Variants in FSTL5 observed in about 807,000 individuals in gnomAD.
FSTL5 encodes follistatin like 5.
FSTL5 carries 62 observed loss-of-function variants against 89.1 expected under a neutral mutation model. The ratio of observed to expected loss-of-function variants is 0.70; its 90% CI spans 0.57 to 0.86. The LOEUF is 0.86. FSTL5 is among the 40% of genes least tolerant of loss of function. FSTL5 has a pLI of 0.00. For synonymous variants in FSTL5, 383 were observed against 346.2 expected (o/e 1.11, Z -1.18); for missense variants, 1,057 against 1,001.6 (o/e 1.06, Z -0.75).
chr4:161,978,399 T>C (rs1735724581), intron 3 of FSTL5, among the ~76,000 whole-genome samples: 1 of 152,162 alleles, frequency 6.6e-6, no homozygotes, highest in Admixed American at 6.5e-5. Context: ...CATAACTTTT[T>C]TTTGTTGTTT....
At chr4:161,507,612 T>C (rs1730524574) in intron 11 of FSTL5, among the ~76,000 whole-genome samples, 1 of 151,784 alleles carries the variant, frequency 6.6e-6, no homozygotes, top group African/African-American at 2.4e-5. Flanking sequence ...TCTATTAGTA[T>C]TGTCATTTTA....
At chr4:161,653,023 CATCTTATGCAA>C (rs1736394657) in intron 7 of FSTL5, among the ~76,000 whole-genome samples, 1 of 152,088 alleles carries the variant, frequency 6.6e-6, no homozygotes, top group Non-Finnish European at 1.5e-5. Flanking sequence ...ATGAAAAGCT[CATCTTATGCAA>C]ATGGAATTAT....
chr4:161,565,153 G>T lies in FSTL5; in HGVS notation c.1015+22302C>A, dbSNP rs953465885. Among the ~76,000 whole-genome samples the T allele has an allele frequency of 5.9e-5, 9 of 151,690 alleles. No individual in the cohort carries two copies. The South Asian group carries it at 1.2e-3, about 21-fold the overall frequency. ...ATTCATAAGTGCCTCTCAGACCTCC[G>T]TATTAACAGAAAACTAATCAAAGCC... On this transcript the variant is annotated intron_variant, in intron 8 of 15. Transcript: ENST00000306100.
At chr4:161,926,706 T>A (rs750103630) in intron 3 of FSTL5, among the ~76,000 whole-genome samples, 1 of 151,878 alleles carries the variant, frequency 6.6e-6, no homozygotes, top group Non-Finnish European at 1.5e-5. Flanking sequence ...TTAAACTTGA[T>A]AACAAATTCC....
intron 4 of FSTL5, among the ~76,000 whole-genome samples, chr4:161,857,597 GAGT>G (rs1397248681): frequency 6.6e-6 from 1 of 151,932 alleles, no homozygotes; most frequent in East Asian, 1.9e-4. Flanking sequence ...AAGCCTACAT[GAGT>G]AGATTTTAAC....
At chr4:161,875,744 C>T (rs1267575929) in intron 4 of FSTL5, among the ~76,000 whole-genome samples, 1 of 152,192 alleles carries the variant, frequency 6.6e-6, no homozygotes, top group Non-Finnish European at 1.5e-5. Context: ...TTCCTTTTTA[C>T]ATGACCTTTT....
chr4:161,475,584 A>C (rs1382928852), intron 13 of FSTL5, among the ~76,000 whole-genome samples: 1 of 151,950 alleles, frequency 6.6e-6, no homozygotes, highest in African/African-American at 2.4e-5. Context: ...CATCCTTCAA[A>C]TTTTTAAATA....
intron 1 of FSTL5, among the ~76,000 whole-genome samples, chr4:162,151,882 C>G (rs1262292987): frequency 1.3e-5 from 2 of 152,124 alleles, no homozygotes; most frequent in Admixed American, 6.6e-5. Context: ...AACAAAGCAG[C>G]ACTAGAAGGC....
At chr4:161,939,097 A>G (rs1578877096) in intron 3 of FSTL5, among the ~76,000 whole-genome samples, 2 of 152,118 alleles carry the variant, frequency 1.3e-5, no homozygotes, top group East Asian at 3.9e-4. Context: ...CATTAGTTAC[A>G]TTATCCAAGA....
intron 3 of FSTL5, among the ~76,000 whole-genome samples, chr4:161,933,974 G>A (rs1232430882): frequency 6.6e-6 from 1 of 151,958 alleles, no homozygotes; most frequent in Non-Finnish European, 1.5e-5. Context: ...AAACAAGTCT[G>A]TCTTCTAATA....
chr4:161,954,533 T>C (rs1425959775), intron 3 of FSTL5, among the ~76,000 whole-genome samples: 1 of 151,630 alleles, frequency 6.6e-6, no homozygotes, highest in East Asian at 1.9e-4. Context: ...TGTGTGCATG[T>C]GTGTATGTTT....
At chr4:161,925,093 C>T (rs1017157130) in intron 3 of FSTL5, among the ~76,000 whole-genome samples, 1 of 151,728 alleles carries the variant, frequency 6.6e-6, no homozygotes, top group African/African-American at 2.4e-5. Flanking sequence ...AGCAATTTAT[C>T]TTTGGATTTG....
chr4:161,406,569 T>C (rs1341116686), intron 15 of FSTL5, among the ~76,000 whole-genome samples: 1 of 152,164 alleles, frequency 6.6e-6, no homozygotes, highest in Non-Finnish European at 1.5e-5. Flanking sequence ...TATTTCTTTA[T>C]TAAAAAACAG....
intron 4 of FSTL5, among the ~76,000 whole-genome samples, chr4:161,826,931 C>T (rs888298347): frequency 2.6e-5 from 4 of 152,068 alleles, no homozygotes; most frequent in African/African-American, 9.7e-5. Context: ...CATTCTGTTT[C>T]CTGAATAACA....
At chr4:161,892,264 T>G (rs371627275) in intron 4 of FSTL5, among the ~76,000 whole-genome samples, 2 of 152,130 alleles carry the variant, frequency 1.3e-5, no homozygotes, top group East Asian at 1.9e-4. Flanking sequence ...TTTCATTGGC[T>G]TCCCTTCTTA....
At chr4:162,077,716 G>C (rs534183037) in intron 2 of FSTL5, among the ~76,000 whole-genome samples, 9 of 151,800 alleles carry the variant, frequency 5.9e-5, no homozygotes, top group African/African-American at 1.9e-4. Context: ...TATCAATATA[G>C]GTGTAATTAT....
At chr4:161,734,735 A>G (rs1347726403) in intron 6 of FSTL5, among the ~76,000 whole-genome samples, 3 of 152,216 alleles carry the variant, frequency 2.0e-5, no homozygotes, top group African/African-American at 7.2e-5. Context: ...CACCAAAGCA[A>G]TCAACACAGG....
intron 6 of FSTL5, among the ~76,000 whole-genome samples, chr4:161,662,103 G>C (rs1736736089): frequency 6.6e-6 from 1 of 152,100 alleles, no homozygotes; most frequent in Non-Finnish European, 1.5e-5. Flanking sequence ...GAAAATAATG[G>C]AGTGTGTCCA....
intron 7 of FSTL5, among the ~76,000 whole-genome samples, chr4:161,613,809 A>G (rs1015498451): frequency 6.6e-6 from 1 of 152,174 alleles, no homozygotes; most frequent in African/African-American, 2.4e-5. Context: ...TAATTATATG[A>G]AAGTAAAAAA....
Sources: allele counts gnomAD v4.1 joint callset (sites outside exome capture counted in the v4.1 genomes callset), GRCh38; gene constraint gnomAD v4.1.1; transcripts MANE v1.5; gene names NCBI Gene and HGNC (gene_info 2026-07-23, HGNC 2026-07-21).